The following EFCAB6 variants were observed in gnomAD, a reference collection of about 807,000 sequenced individuals.
EFCAB6 encodes the protein EF-hand calcium-binding domain-containing protein 6.
EFCAB6 carries 156 observed loss-of-function variants against 169.8 expected under a neutral mutation model. That is an observed-to-expected ratio of 0.92 (90% CI 0.81 to 1.05). EFCAB6 has a LOEUF of 1.05. Ranked by LOEUF, EFCAB6 falls within the 50% of genes least tolerant of loss-of-function variation. The probability of loss-of-function intolerance (pLI) is 0.00; values close to 1 mark genes in which losing one functional copy is unlikely to be tolerated. For synonymous variants in EFCAB6, 698 were observed against 676.4 expected, an observed-to-expected ratio of 1.03 and a Z score of -0.50; for missense variants, 1,800 against 1,829.1, an observed-to-expected ratio of 0.98 and a Z score of 0.29.
chr22:43,771,909 G>A (rs1436790743), intron 4 of EFCAB6, among the ~76,000 whole-genome samples: 1 of 152,196 alleles, frequency 6.6e-6, no homozygotes, highest in Non-Finnish European at 1.5e-5. Context: ...AACTACCCAG[G>A]TCCCTGAGTA....
chr22:43,689,349 G>GCA (rs3221390), intron 10 of EFCAB6, among the ~76,000 whole-genome samples: 23,056 of 146,880 alleles, frequency 0.16, 2,762 homozygotes, highest in East Asian at 0.57. Context: ...GAGAGCACGT[G>GCA]CACACACACA....
At chr22:43,755,054 ATTT>A (rs1205479007) in intron 6 of EFCAB6, among the ~76,000 whole-genome samples, 1 of 152,216 alleles carries the variant, frequency 6.6e-6, no homozygotes, top group African/African-American at 2.4e-5. Flanking sequence ...ATCTCTGGCT[ATTT>A]TTGAGTATGA....
In EFCAB6 at chr22:43,528,926, A is replaced by ATATGG; in HGVS notation, c.4428_4432dup (p.Ile1478ThrfsTer?). ...CAGCGTCTTATCGTAATACTCCAGA[A>ATATGG]TATGGAAGAACTCTTCCTCAGAGAG... is the stretch of plus-strand genomic sequence containing the variant. On this transcript the variant is annotated frameshift_variant, in exon 32 of 32. Coordinates refer to ENST00000262726, the MANE Select transcript of EFCAB6 (RefSeq NM_022785.4). LOFTEE classifies it high-confidence loss of function. 6.2e-7 allele frequency: 1 copy of ATATGG among 1,610,852 alleles called. No homozygotes were observed. The highest frequency in any genetic ancestry group is 1.1e-5 in the South Asian group (1 of 90,888).
chr22:43,588,839 G>A (rs1477490039), intron 24 of EFCAB6, among the ~76,000 whole-genome samples: 2 of 151,902 alleles, frequency 1.3e-5, no homozygotes, highest in African/African-American at 4.8e-5. Flanking sequence ...TTGACTTCAG[G>A]GAAAAAGTGC....
At chr22:43,645,361 A>G (rs889756450) in intron 17 of EFCAB6, among the ~76,000 whole-genome samples, 46 of 152,260 alleles carry the variant, frequency 3.0e-4, no homozygotes, top group Non-Finnish European at 7.3e-5. Flanking sequence ...ACGCAAGTCC[A>G]AGTCTAAAAC....
At chr22:43,614,434 A>G (rs2053552647) in intron 21 of EFCAB6, among the ~76,000 whole-genome samples, 1 of 152,222 alleles carries the variant, frequency 6.6e-6, no homozygotes, top group Non-Finnish European at 1.5e-5. Flanking sequence ...CTTTAAATAA[A>G]TGAATCTAGA....
At chr22:43,702,086 A>G (rs1009764911) in intron 10 of EFCAB6, among the ~76,000 whole-genome samples, 3 of 152,196 alleles carry the variant, frequency 2.0e-5, no homozygotes, top group African/African-American at 4.8e-5. Context: ...ACTACGAGAA[A>G]CAGAAATTAA....
chr22:43,637,150 C>T (rs2055467587), intron 17 of EFCAB6, among the ~76,000 whole-genome samples: 2 of 152,166 alleles, frequency 1.3e-5, no homozygotes, highest in Non-Finnish European at 1.5e-5. Context: ...CCTGAGCCCA[C>T]CTCCCACCTG....
At position 43,530,919 on chromosome 22, in the gene EFCAB6, G is replaced by T. The variant is rs144891068; in HGVS notation, c.4279C>A (p.Arg1427Ser). ...ETPSFYSALL[R>S]IQPKIVHCWR... ...CAGTGCACAATTTTGGGCTGAATACGCAGCAGAGCAGAGTAAAAAGATGGC... is the reference window on the plus strand; with the variant it reads ...CAGTGCACAATTTTGGGCTGAATACTCAGCAGAGCAGAGTAAAAAGATGGC... The change falls in exon 31 of 32, where the codon CGT becomes AGT. Residue 1427 changes from arginine (R) to serine (S), a missense_variant. By Grantham distance (110) the Arg-to-Ser change is moderately radical. Transcript: ENST00000262726. The T allele has an allele frequency of 6.2e-7, 1 of 1,614,130 alleles. No homozygotes were observed. The highest frequency in any genetic ancestry group is 1.7e-5 in the Admixed American group (1 of 60,018).
intron 22 of EFCAB6, among the ~76,000 whole-genome samples, chr22:43,603,242 A>G (rs1569231734): frequency 6.6e-6 from 1 of 152,246 alleles, no homozygotes. Flanking sequence ...AGAAGACTAG[A>G]TTGCACAACT....
rs554712998 is a variant in EFCAB6 at position 43,744,188 on chromosome 22, G to T, written c.508-8195C>A. ...TAGATGGGTAGATGGATGAATGGATGGATGATGAATGAATGGATGGAAGGG... is the reference window on the plus strand; with the variant it reads ...TAGATGGGTAGATGGATGAATGGATTGATGATGAATGAATGGATGGAAGGG... On this transcript the variant is annotated intron_variant, in intron 6 of 31. Coordinates refer to ENST00000262726, the MANE Select transcript of EFCAB6 (RefSeq NM_022785.4). This position sits in a 1 kb window ranked among gnomAD's most constrained non-coding sequence, Gnocchi z 4.3. Among the ~76,000 whole-genome samples the T allele has an allele frequency of 3.3e-5, 5 of 151,874 alleles. No homozygotes were observed. Among genetic ancestry groups the T allele is most frequent in the Non-Finnish European group, 5.9e-5 (4 of 67,940 alleles).
intron 2 of EFCAB6, among the ~76,000 whole-genome samples, chr22:43,802,072 G>A (rs1307946727): frequency 2.0e-5 from 3 of 152,138 alleles, no homozygotes; most frequent in Non-Finnish European, 4.4e-5. Flanking sequence ...AGCTTTACTT[G>A]TATCAGATAA....
In EFCAB6 at chr22:43,537,477, C is replaced by A. The variant is rs143251330; in HGVS notation, c.3948G>T (p.Arg1316Ser). ...PLQNCDPIES[R>S]LRKRIQGCWR... ...AGCAGCCCTGGATTCTCTTCCGGAG[C>A]CTGCTCTCTATGGGATCACAGTTCT... The change falls in exon 29 of 32, where the codon AGG (arginine) becomes AGT (serine). Residue 1316 changes from arginine to serine, a missense_variant. By Grantham distance (110) the Arg-to-Ser change is moderately radical (BLOSUM62 -1). Transcript: ENST00000262726. This position sits in a 1 kb window ranked among gnomAD's most constrained non-coding sequence, Gnocchi z 4.3. 5.5e-3 allele frequency: 8,814 copies of A among 1,614,126 alleles called. 48 individuals are homozygous for A. The highest frequency in any genetic ancestry group is 9.1e-3 in the Middle Eastern group (55 of 6,060).
At chr22:43,793,771 G>A (rs1175799980) in intron 2 of EFCAB6, among the ~76,000 whole-genome samples, 1 of 144,508 alleles carries the variant, frequency 6.9e-6, no homozygotes, top group African/African-American at 2.6e-5. Context: ...TATCTCCACG[G>A]TCAGATTAAA....
chr22:43,781,870 TA>T (rs1199599702), intron 3 of EFCAB6, among the ~76,000 whole-genome samples: 2 of 152,094 alleles, frequency 1.3e-5, no homozygotes, highest in South Asian at 2.1e-4. Flanking sequence ...CTAAAACTGC[TA>T]AAAAAAATTA....
intron 10 of EFCAB6, among the ~76,000 whole-genome samples, chr22:43,699,783 C>T (rs1371244309): frequency 6.6e-6 from 1 of 152,132 alleles, no homozygotes; most frequent in Non-Finnish European, 1.5e-5. Flanking sequence ...GAAAATATAA[C>T]CCAGAGTTTT....
intron 26 of EFCAB6, among the ~76,000 whole-genome samples, chr22:43,561,996 C>G (rs548763543): frequency 6.6e-6 from 1 of 152,298 alleles, no homozygotes; most frequent in African/African-American, 2.4e-5. Context: ...CCGAACACCT[C>G]ACACTCCCCA....
chr22:43,645,695 T>C (rs2056110667), intron 17 of EFCAB6, among the ~76,000 whole-genome samples: 1 of 152,238 alleles, frequency 6.6e-6, no homozygotes, highest in Non-Finnish European at 1.5e-5. Flanking sequence ...GCATTGTGCA[T>C]TGTGACACAC....
intron 5 of EFCAB6, among the ~76,000 whole-genome samples, chr22:43,757,097 T>A (rs1173726536): frequency 6.6e-6 from 1 of 152,140 alleles, no homozygotes; most frequent in Non-Finnish European, 1.5e-5. Context: ...ATTCCTTACA[T>A]AGGAGGAAAC....
Sources: gnomAD v4.1 joint callset for allele counts (sites outside exome capture counted in the v4.1 genomes callset) on GRCh38, gnomAD v4.1.1 for gene constraint, Gnocchi (gnomAD v3.1) non-coding constraint, MANE v1.5 for transcripts, NCBI Gene and HGNC (gene_info 2026-07-23, HGNC 2026-07-21) for gene names.